The following CCDC141 variants were observed in gnomAD, a reference collection of about 807,000 sequenced individuals.
CCDC141 encodes coiled-coil domain-containing protein 141.
In CCDC141, 168 loss-of-function variants were observed where a neutral mutation model predicts 181.0. The ratio of observed to expected loss-of-function variants is 0.93; its 90% CI spans 0.82 to 1.05. The LOEUF (loss-of-function observed/expected upper bound fraction) is 1.05, where lower values mean the gene tolerates loss of function less well. Among genes scored for constraint, CCDC141 ranks in the 50% least tolerant of loss-of-function variants. CCDC141 has a pLI of 0.00. For missense variants in CCDC141, 1,902 were observed against 1,788.5 expected (o/e 1.06, Z -1.14); for synonymous variants, 666 against 642.3 (o/e 1.04, Z -0.56).
chr2:179,015,182 ACATCTC>A (rs1276857587), intron 2 of CCDC141, among the ~76,000 whole-genome samples: 2 of 83,522 alleles, frequency 2.4e-5, no homozygotes, highest in Admixed American at 1.3e-4. Flanking sequence ...TATCTCATAT[ACATCTC>A]ATCTCATAAA....
chr2:179,012,391 A>G (rs1036095814), intron 2 of CCDC141, among the ~76,000 whole-genome samples: 2 of 152,132 alleles, frequency 1.3e-5, no homozygotes, highest in African/African-American at 4.8e-5. Context: ...CATTCCTGGA[A>G]AAATACAAAC....
chr2:178,992,636 T>C (rs1187852093), intron 2 of CCDC141, among the ~76,000 whole-genome samples: 1 of 152,184 alleles, frequency 6.6e-6, no homozygotes, highest in Non-Finnish European at 1.5e-5. Context: ...GTGCCATTTC[T>C]GAGTAGAAGT....
chr2:179,007,415 C>T (rs547801824), intron 2 of CCDC141, among the ~76,000 whole-genome samples: 2 of 152,244 alleles, frequency 1.3e-5, no homozygotes, highest in East Asian at 1.9e-4. Flanking sequence ...TTTAAATCAC[C>T]TCTGTTTATC....
chr2:178,885,852 T>C (rs1686859819), intron 10 of CCDC141, among the ~76,000 whole-genome samples: 2 of 152,152 alleles, frequency 1.3e-5, no homozygotes, highest in Admixed American at 6.5e-5. Context: ...GTGATTAATA[T>C]GCTTCCCAAG....
intron 4 of CCDC141, among the ~76,000 whole-genome samples, chr2:178,974,130 T>G (rs1691019407): frequency 6.6e-6 from 1 of 152,144 alleles, no homozygotes. Flanking sequence ...AAAGTTGTAA[T>G]AAGTAATTTA....
chr2:178,940,459 C>G (rs575407045), intron 6 of CCDC141, among the ~76,000 whole-genome samples: 2 of 152,204 alleles, frequency 1.3e-5, no homozygotes, highest in African/African-American at 4.8e-5. Context: ...AGGACTATGT[C>G]TAAAGACATA....
At position 179,035,611 on chromosome 2, in the gene CCDC141, AC is replaced by A. The variant is rs1182278444; in HGVS notation, c.225+11672del. On this transcript the variant is annotated intron_variant, in intron 2 of 23. Coordinates refer to ENST00000443758, the MANE Select transcript of CCDC141 (RefSeq NM_173648.4). ...ACTTCCAAGGTGGCTCATTCACATG[AC>A]TGGAAGTTGATTGACTGTTGGATTT... Among the ~76,000 whole-genome samples the A allele has an allele frequency of 2.6e-5, 4 of 152,262 alleles. No individual in the cohort carries two copies. In the East Asian group the frequency reaches 7.7e-4, roughly 29 times the overall value.
intron 17 of CCDC141, among the ~76,000 whole-genome samples, chr2:178,857,593 T>C (rs1167836724): frequency 6.6e-6 from 1 of 152,216 alleles, no homozygotes; most frequent in Admixed American, 6.5e-5. Flanking sequence ...CACCACTTTC[T>C]GTCCCTTCTC....
chr2:178,931,098 C>A (rs1689080472), intron 6 of CCDC141, among the ~76,000 whole-genome samples: 1 of 152,044 alleles, frequency 6.6e-6, no homozygotes, highest in Non-Finnish European at 1.5e-5. Flanking sequence ...TAGGGAAATG[C>A]AAGTAAGAAT....
chr2:178,912,251 A>C (rs2154373803), intron 7 of CCDC141, among the ~76,000 whole-genome samples: 1 of 152,316 alleles, frequency 6.6e-6, no homozygotes, highest in Non-Finnish European at 1.5e-5. Flanking sequence ...CTGCCAACAG[A>C]GAGATGCAAC....
intron 4 of CCDC141, among the ~76,000 whole-genome samples, chr2:178,970,743 T>C (rs541121747): frequency 6.6e-6 from 1 of 152,222 alleles, no homozygotes; most frequent in South Asian, 2.1e-4. Context: ...CCAAAAGCAA[T>C]GGCAACAAAA....
chr2:179,045,486 T>TC (rs1189961870), intron 2 of CCDC141, among the ~76,000 whole-genome samples: 2 of 152,146 alleles, frequency 1.3e-5, no homozygotes, highest in African/African-American at 2.4e-5. Context: ...TGTGCATATG[T>TC]TTTATAGCAG....
At chr2:179,011,217 C>A (rs1366944465) in intron 2 of CCDC141, among the ~76,000 whole-genome samples, 1 of 151,902 alleles carries the variant, frequency 6.6e-6, no homozygotes, top group African/African-American at 2.4e-5. Flanking sequence ...CAACTATCTG[C>A]TGCCTTCAGG....
At chr2:178,981,987 A>T (rs1231577887) in intron 2 of CCDC141, among the ~76,000 whole-genome samples, 1 of 152,024 alleles carries the variant, frequency 6.6e-6, no homozygotes, top group Non-Finnish European at 1.5e-5. Context: ...CATGGATATT[A>T]AAAGGATAAA....
At chr2:178,841,041 G>T (rs930338994) in intron 22 of CCDC141, among the ~76,000 whole-genome samples, 17 of 152,150 alleles carry the variant, frequency 1.1e-4, no homozygotes, top group African/African-American at 4.1e-4. Flanking sequence ...TTATTAAGGT[G>T]ATTGTATTAG....
chr2:178,981,644 A>G (rs1395939563), intron 2 of CCDC141, among the ~76,000 whole-genome samples: 1 of 90,986 alleles, frequency 1.1e-5, no homozygotes, highest in Non-Finnish European at 2.6e-5. Context: ...GTGTATATAT[A>G]TATATATATA....
At chr2:178,825,852 C>A (rs941575234), downstream of CCDC141, among the ~76,000 whole-genome samples, 25 of 152,144 alleles carry the variant, frequency 1.6e-4, no homozygotes, top group African/African-American at 5.5e-4. Flanking sequence ...TTTTGCTATA[C>A]TCTGATTAGT....
chr2:178,834,121 G>A lies in CCDC141; in HGVS notation c.*52C>T. On this transcript the variant is annotated 3_prime_UTR_variant, in exon 24 of 24. Coordinates refer to ENST00000443758, the MANE Select transcript of CCDC141 (RefSeq NM_173648.4). ...AGGAGGTGCAGGAAGATAAACGGCG[G>A]CACTTTTCTTTAGGCACATGAGAAT... 3 of 1,513,310 alleles carry A rather than the reference G, an allele frequency of 2.0e-6. No individual in the cohort carries two copies. Among genetic ancestry groups the A allele is most frequent in the African/African-American group, 1.4e-5 (1 of 72,592 alleles). The allele number at this position is 1,513,310 out of a possible 1,614,324, so 93.7% of individuals were successfully genotyped here.
chr2:178,919,837 A>G (rs1688607151), intron 6 of CCDC141, among the ~76,000 whole-genome samples: 1 of 152,216 alleles, frequency 6.6e-6, no homozygotes, highest in East Asian at 1.9e-4. Context: ...TACTCCTCAT[A>G]AAATGAATAG....
Sources: allele counts gnomAD v4.1 joint callset (sites outside exome capture counted in the v4.1 genomes callset), GRCh38; gene constraint gnomAD v4.1.1; transcripts MANE v1.5; gene names NCBI Gene and HGNC (gene_info 2026-07-23, HGNC 2026-07-21).